The following TAFA5 variants were observed in gnomAD, a reference collection of about 807,000 sequenced individuals.
TAFA5 encodes TAFA chemokine like family member 5.
Under a neutral mutation model 15.3 loss-of-function variants are expected in TAFA5, and 6 were observed. The ratio of observed to expected loss-of-function variants is 0.39; its 90% CI spans 0.21 to 0.77. The LOEUF (loss-of-function observed/expected upper bound fraction) is 0.77, where lower values mean the gene tolerates loss of function less well. Ranked by LOEUF, TAFA5 falls within the 30% of genes least tolerant of loss-of-function variation. TAFA5 has a pLI of 0.41. For missense variants in TAFA5, 161 were observed against 193.1 expected (o/e 0.83, Z 0.98); for synonymous variants, 103 against 80.7 (o/e 1.28, Z -1.48).
At chr22:48,529,369 G>A (rs532575023) in intron 1 of TAFA5, among the ~76,000 whole-genome samples, 4 of 120,622 alleles carry the variant, frequency 3.3e-5, no homozygotes, top group Non-Finnish European at 6.8e-5. Flanking sequence ...TCAGGCGGGA[G>A]ATGGGGATGT....
intron 1 of TAFA5, among the ~76,000 whole-genome samples, chr22:48,577,875 C>T (rs1348391113): frequency 2.6e-5 from 4 of 152,222 alleles, no homozygotes; most frequent in African/African-American, 9.6e-5. Flanking sequence ...CAACTTCTTC[C>T]TGCTGCCTTG....
intron 1 of TAFA5, among the ~76,000 whole-genome samples, chr22:48,583,049 G>T (rs149211264): frequency 2.4e-5 from 2 of 84,284 alleles, no homozygotes; most frequent in African/African-American, 8.1e-5. Context: ...CACACACACC[G>T]CACACAAAGT....
intron 1 of TAFA5, among the ~76,000 whole-genome samples, chr22:48,585,840 C>T (rs1252638604): frequency 6.6e-6 from 1 of 152,148 alleles, no homozygotes; most frequent in East Asian, 1.9e-4. Context: ...CCCACACAAA[C>T]ACATGCCAAG....
At chr22:48,580,936 C>T (rs937003674) in intron 1 of TAFA5, among the ~76,000 whole-genome samples, 7 of 144,794 alleles carry the variant, frequency 4.8e-5, no homozygotes, top group Non-Finnish European at 9.3e-5. Flanking sequence ...GCAGGGGCAT[C>T]GCAGTGCCAG....
intron 1 of TAFA5, among the ~76,000 whole-genome samples, chr22:48,609,358 C>T (rs28725449): frequency 0.14 from 21,177 of 152,052 alleles, 1,669 homozygotes; most frequent in African/African-American, 0.21. Flanking sequence ...CTGCCTAGTC[C>T]GAGACCTGTG....
At chr22:48,577,589 G>T (rs897728669) in intron 1 of TAFA5, among the ~76,000 whole-genome samples, 1 of 152,224 alleles carries the variant, frequency 6.6e-6, no homozygotes, top group Non-Finnish European at 1.5e-5. Flanking sequence ...CATTAGTTCT[G>T]GGTTCCTGCA....
rs116438105 is a variant in TAFA5 at position 48,492,035 on chromosome 22, A to T, written c.112+2331A>T. Reference sequence around the variant, plus strand: ...AGAGACACACCCCATTACACCAGAAATGTACTTGGAGAAATTAAAACATTT... The same window carrying T: ...AGAGACACACCCCATTACACCAGAATTGTACTTGGAGAAATTAAAACATTT... On this transcript the variant is annotated intron_variant, in intron 1 of 3. Transcript: ENST00000402357. Among the ~76,000 whole-genome samples the T allele has an allele frequency of 3.6e-3, 554 of 152,320 alleles. 4 individuals are homozygous for T. Among genetic ancestry groups the T allele is most frequent in the African/African-American group, 0.013 (535 of 41,562 alleles).
intron 3 of TAFA5, among the ~76,000 whole-genome samples, chr22:48,709,566 G>A (rs1929188985): frequency 6.6e-6 from 1 of 152,186 alleles, no homozygotes; most frequent in South Asian, 2.1e-4. Flanking sequence ...GGGAGGGATG[G>A]GTGTGAAAGC....
chr22:48,590,241 G>A (rs1158283379), intron 1 of TAFA5, among the ~76,000 whole-genome samples: 3 of 152,206 alleles, frequency 2.0e-5, no homozygotes, highest in Admixed American at 2.0e-4. Context: ...GGAGATCGGG[G>A]TTGGGGTGGC....
chr22:48,676,851 C>T (rs1191962478), intron 2 of TAFA5, among the ~76,000 whole-genome samples: 2 of 152,236 alleles, frequency 1.3e-5, no homozygotes, highest in Admixed American at 6.5e-5. Flanking sequence ...AAGTGGGATG[C>T]TCCTTGGACT....
chr22:48,674,964 G>A (rs1295789388), intron 2 of TAFA5, among the ~76,000 whole-genome samples: 1 of 148,694 alleles, frequency 6.7e-6, no homozygotes, highest in African/African-American at 2.5e-5. Flanking sequence ...TTTTTGAGAT[G>A]GAGTCTCGCT....
At chr22:48,640,054 C>T (rs1446181708) in intron 1 of TAFA5, among the ~76,000 whole-genome samples, 1 of 152,202 alleles carries the variant, frequency 6.6e-6, no homozygotes, top group African/African-American at 2.4e-5. Flanking sequence ...GGAGGGCGTG[C>T]TGCAGCCCCT....
chr22:48,519,942 A>G lies in TAFA5; in HGVS notation c.112+30238A>G, dbSNP rs182578705. ...AACCTCAGAATGTGACTTTACTTGG[A>G]AATTGTTTGTTGCAGATGGAATTAG... On this transcript the variant is annotated intron_variant, in intron 1 of 3. Transcript: ENST00000402357. 3.0e-4 allele frequency among the ~76,000 whole-genome samples: 46 copies of G among 152,300 alleles called. 1 individual carries two copies. The East Asian group carries it at 7.5e-3, about 25-fold the overall frequency.
intron 2 of TAFA5, among the ~76,000 whole-genome samples, chr22:48,704,381 G>A (rs1929013650): frequency 6.6e-6 from 1 of 152,128 alleles, no homozygotes; most frequent in East Asian, 1.9e-4. Flanking sequence ...TACCCAACAC[G>A]ATGCATCAGG....
chr22:48,492,166 T>A (rs552663429), intron 1 of TAFA5, among the ~76,000 whole-genome samples: 1 of 147,794 alleles, frequency 6.8e-6, no homozygotes, highest in East Asian at 2.0e-4. Flanking sequence ...GCAAATTAAA[T>A]GCAAATTAAA....
At chr22:48,631,992 G>A (rs16999624) in intron 1 of TAFA5, among the ~76,000 whole-genome samples, 4,849 of 152,284 alleles carry the variant, frequency 0.032, 220 homozygotes, top group African/African-American at 0.11. Flanking sequence ...CACACGGCTC[G>A]GTACAGGGCC....
At chr22:48,614,292 C>A (rs1280352135) in intron 1 of TAFA5, among the ~76,000 whole-genome samples, 1 of 152,246 alleles carries the variant, frequency 6.6e-6, no homozygotes, top group African/African-American at 2.4e-5. Context: ...CATCTGCCCC[C>A]CACAACTGTT....
chr22:48,617,657 C>T (rs28515980), intron 1 of TAFA5, among the ~76,000 whole-genome samples: 17,489 of 152,198 alleles, frequency 0.11, 1,457 homozygotes, highest in East Asian at 0.41. Context: ...AGTCTGTCTC[C>T]GCGTCTATCT....
intron 1 of TAFA5, among the ~76,000 whole-genome samples, chr22:48,641,460 C>G (rs1199205487): frequency 1.3e-5 from 2 of 152,112 alleles, no homozygotes; most frequent in Non-Finnish European, 2.9e-5. Flanking sequence ...GATGATGTCA[C>G]TGCCTTTCTA....
Sources: gnomAD v4.1 joint callset for allele counts (sites outside exome capture counted in the v4.1 genomes callset) on GRCh38, gnomAD v4.1.1 for gene constraint, MANE v1.5 for transcripts, NCBI Gene and HGNC (gene_info 2026-07-23, HGNC 2026-07-21) for gene names.